The following CDYL2 variants were observed in gnomAD, a reference collection of about 807,000 sequenced individuals.
CDYL2 encodes chromodomain Y like 2.
A neutral mutation model predicts 49.4 loss-of-function variants in CDYL2; 23 were observed. The ratio of observed to expected loss-of-function variants is 0.47; its 90% CI spans 0.34 to 0.66. The LOEUF is 0.66. Among genes scored for constraint, CDYL2 ranks in the 30% least tolerant of loss-of-function variants. The probability of loss-of-function intolerance (pLI) is 0.01; values close to 1 mark genes in which losing one functional copy is unlikely to be tolerated. For synonymous variants in CDYL2, 360 were observed against 268.8 expected, an observed-to-expected ratio of 1.34 and a Z score of -3.32; for missense variants, 678 against 656.4, an observed-to-expected ratio of 1.03 and a Z score of -0.36.
intron 5 of CDYL2, among the ~76,000 whole-genome samples, chr16:80,611,059 C>T (rs1286014348): frequency 6.6e-6 from 1 of 152,192 alleles, no homozygotes; most frequent in Non-Finnish European, 1.5e-5. Context: ...CTGCCAGGCC[C>T]ACTCCCTACC....
At chr16:80,714,163 G>A (rs889307481) in intron 1 of CDYL2, among the ~76,000 whole-genome samples, 7 of 152,140 alleles carry the variant, frequency 4.6e-5, no homozygotes, top group African/African-American at 1.4e-4. Flanking sequence ...CTTAAGCACT[G>A]TCCCAGTCTC....
intron 1 of CDYL2, among the ~76,000 whole-genome samples, chr16:80,719,147 G>A (rs992489224): frequency 1.3e-5 from 2 of 152,124 alleles, no homozygotes; most frequent in African/African-American, 2.4e-5. Context: ...CAAAGCCCTA[G>A]AGATAGAGTG....
intron 1 of CDYL2, among the ~76,000 whole-genome samples, chr16:80,761,053 A>G (rs755757942): frequency 2.0e-5 from 3 of 152,196 alleles, no homozygotes; most frequent in Non-Finnish European, 4.4e-5. Flanking sequence ...ATTGTGAAGA[A>G]AAAGCCATAC....
intron 2 of CDYL2, among the ~76,000 whole-genome samples, chr16:80,641,864 T>C (rs994394925): frequency 4.6e-5 from 7 of 151,542 alleles, no homozygotes; most frequent in African/African-American, 1.5e-4. Flanking sequence ...AACCTGCACA[T>C]TGTGCACATG....
At chr16:80,609,015 C>T (rs1864457809) in intron 5 of CDYL2, among the ~76,000 whole-genome samples, 1 of 152,138 alleles carries the variant, frequency 6.6e-6, no homozygotes, top group Non-Finnish European at 1.5e-5. Flanking sequence ...TGCATCTCTC[C>T]AAGCAGCTCA....
chr16:80,710,334 A>C (rs563581039), intron 1 of CDYL2, among the ~76,000 whole-genome samples: 1 of 152,348 alleles, frequency 6.6e-6, no homozygotes, highest in Non-Finnish European at 1.5e-5. Context: ...AGTACTACAA[A>C]TTGGTACAAC....
rs1216275782 is a variant in CDYL2 at position 80,606,856 on chromosome 16, G to C, written c.1362+1236C>G. On this transcript the variant is annotated intron_variant, in intron 6 of 6. Coordinates refer to ENST00000570137, the MANE Select transcript of CDYL2 (RefSeq NM_152342.4). ...CCCCTTTCACTTGGTTGTCACTTCTGTCTTGTCTGCCGCCATGTAAGACAT... is the reference window on the plus strand; with the variant it reads ...CCCCTTTCACTTGGTTGTCACTTCTCTCTTGTCTGCCGCCATGTAAGACAT... Among the ~76,000 whole-genome samples the C allele has an allele frequency of 4.6e-5, 7 of 152,250 alleles. No homozygotes were observed. In the East Asian group the frequency reaches 9.7e-4, roughly 21 times the overall value.
chr16:80,675,383 A>C lies in CDYL2; in HGVS notation c.616+9155T>G, dbSNP rs111890670. Among the ~76,000 whole-genome samples the C allele has an allele frequency of 7.5e-4, 114 of 152,352 alleles. No homozygotes were observed. The East Asian group carries it at 0.016, about 21-fold the overall frequency. ...TGTTGCTATGTTGTTAAACTGCTCCATCAGAGAACCACTGAGGAAATTAAA... is the reference window on the plus strand; with the variant it reads ...TGTTGCTATGTTGTTAAACTGCTCCCTCAGAGAACCACTGAGGAAATTAAA... On this transcript the variant is annotated intron_variant, in intron 2 of 6. Coordinates refer to ENST00000570137, the MANE Select transcript of CDYL2 (RefSeq NM_152342.4).
intron 3 of CDYL2, 126 bp from the exon 4 acceptor site, chr16:80,621,061 G>C (rs1270082736): frequency 3.7e-6 from 4 of 1,076,112 alleles, no homozygotes; most frequent in Non-Finnish European, 5.1e-6. Flanking sequence ...GCTTCTGCCT[G>C]TGCAGGGAGC....
chr16:80,804,257 G>C lies in CDYL2; in HGVS notation c.-84C>G. ...CGTGTGCGCGCGGGGTCCGGTGTGC[G>C]CGTGTGTGTGCGCGCGTGTGTGTGC... is the stretch of plus-strand genomic sequence containing the variant. On this transcript the variant is annotated 5_prime_UTR_variant, in exon 1 of 7. Transcript: ENST00000570137. 4 of 1,220,454 alleles carry C rather than the reference G, an allele frequency of 3.3e-6. No individual in the cohort carries two copies. Among genetic ancestry groups the C allele is most frequent in the African/African-American group, 1.6e-5 (1 of 61,112 alleles). 75.6% of individuals were successfully genotyped at this position (1,220,454 alleles called of 1,614,324 possible).
chr16:80,688,403 G>A (rs188519993), intron 1 of CDYL2, among the ~76,000 whole-genome samples: 7 of 151,992 alleles, frequency 4.6e-5, no homozygotes, highest in South Asian at 2.1e-4. Context: ...TGTCCCCATC[G>A]GTAAAATATA....
intron 2 of CDYL2, among the ~76,000 whole-genome samples, chr16:80,636,722 T>C (rs1341660482): frequency 2.0e-5 from 3 of 152,226 alleles, no homozygotes; most frequent in Non-Finnish European, 2.9e-5. Context: ...CAAAGGATTA[T>C]AAATCATTCT....
chr16:80,655,069 G>T (rs1908746715), intron 2 of CDYL2, among the ~76,000 whole-genome samples: 1 of 152,200 alleles, frequency 6.6e-6, no homozygotes, highest in Admixed American at 6.5e-5. Context: ...GTGGGCGCAG[G>T]GTGTCACCAG....
chr16:80,636,559 G>C (rs1907835474), intron 2 of CDYL2, among the ~76,000 whole-genome samples: 1 of 152,200 alleles, frequency 6.6e-6, no homozygotes, highest in Admixed American at 6.5e-5. Flanking sequence ...GAAACAACAG[G>C]TGCTGGAGAG....
rs547202688 is a variant in CDYL2, at chr16:80,727,354, C to T, written c.25-42225G>A. On this transcript the variant is annotated intron_variant, in intron 1 of 6. Coordinates refer to ENST00000570137, the MANE Select transcript of CDYL2 (RefSeq NM_152342.4). ...GGGTGACAGACGGCACCTGGAAAAT[C>T]GGGTCACTCCCACCCGAATACTGCG... 2.6e-4 allele frequency among the ~76,000 whole-genome samples: 40 copies of T among 152,316 alleles called. No homozygotes were observed. The South Asian group carries it at 7.7e-3, about 29-fold the overall frequency.
chr16:80,700,535 A>C (rs1484930952), intron 1 of CDYL2, among the ~76,000 whole-genome samples: 1 of 152,272 alleles, frequency 6.6e-6, no homozygotes, highest in East Asian at 1.9e-4. Context: ...TCAAATAAAT[A>C]AAAATGGCTA....
In CDYL2 at chr16:80,698,193, T is replaced by C. The variant is rs79201069; in HGVS notation, c.25-13064A>G. ...AAACAGTATAGTACTGGCATAAAAA[T>C]AGACACAAGATTTCATGGCTAAGAC... On this transcript the variant is annotated intron_variant, in intron 1 of 6. Coordinates refer to ENST00000570137, the MANE Select transcript of CDYL2 (RefSeq NM_152342.4). Among the ~76,000 whole-genome samples the C allele has an allele frequency of 9.1e-3, 1,377 of 152,090 alleles. 25 individuals carry two copies. The highest frequency in any genetic ancestry group is 0.031 in the African/African-American group (1,286 of 41,496).
At chr16:80,702,055 A>T (rs1414177188) in intron 1 of CDYL2, among the ~76,000 whole-genome samples, 2 of 152,292 alleles carry the variant, frequency 1.3e-5, no homozygotes, top group Middle Eastern at 3.4e-3. Context: ...TTATTGCATA[A>T]GTGGGATTGG....
At chr16:80,633,287 A>T in intron 2 of CDYL2, 51 bp from the exon 3 acceptor site, 1 of 1,563,456 alleles carries the variant, frequency 6.4e-7, no homozygotes, top group Non-Finnish European at 8.8e-7. Context: ...CCACGATCCT[A>T]GAAGGATGTG....
Sources: gnomAD v4.1 joint callset for allele counts (sites outside exome capture counted in the v4.1 genomes callset) on GRCh38, gnomAD v4.1.1 for gene constraint, MANE v1.5 for transcripts, NCBI Gene and HGNC (gene_info 2026-07-23, HGNC 2026-07-21) for gene names.